Variants in ADGRA3 observed in about 807,000 individuals in gnomAD.
ADGRA3 encodes the protein adhesion G protein-coupled receptor A3.
In ADGRA3, 56 loss-of-function variants were observed where a neutral mutation model predicts 119.8. That is an observed-to-expected ratio of 0.47 (90% CI 0.38 to 0.58). The LOEUF is 0.58. Among genes scored for constraint, ADGRA3 ranks in the 20% least tolerant of loss-of-function variants. The pLI is 0.00. For synonymous variants in ADGRA3, 607 were observed against 623.8 expected, an observed-to-expected ratio of 0.97 and a Z score of 0.40; for missense variants, 1,516 against 1,649.0, an observed-to-expected ratio of 0.92 and a Z score of 1.40.
chr4:22,492,316 C>T (rs1048431558), intron 1 of ADGRA3, among the ~76,000 whole-genome samples: 5 of 152,152 alleles, frequency 3.3e-5, no homozygotes, highest in African/African-American at 9.7e-5. Flanking sequence ...CTAGATAAAT[C>T]CAGGCCTGGT....
intron 1 of ADGRA3, among the ~76,000 whole-genome samples, chr4:22,495,557 TAA>T (rs765428778): frequency 1.2e-4 from 19 of 152,168 alleles, no homozygotes; most frequent in Non-Finnish European, 2.6e-4. Flanking sequence ...CCTTCCTGGA[TAA>T]AGTGACTTCC....
intron 1 of ADGRA3, 189 bp downstream of exon 1, chr4:22,515,339 G>T: frequency 1.8e-6 from 1 of 564,878 alleles, no homozygotes; most frequent in Non-Finnish European, 2.7e-6. Flanking sequence ...AGGCAGCTCG[G>T]ACGCAGATTC....
At chr4:22,491,014 A>C (rs996776942) in intron 1 of ADGRA3, among the ~76,000 whole-genome samples, 1 of 152,144 alleles carries the variant, frequency 6.6e-6, no homozygotes, top group African/African-American at 2.4e-5. Context: ...GGGAGGGAGA[A>C]GGCAAACAAG....
intron 8 of ADGRA3, among the ~76,000 whole-genome samples, chr4:22,436,891 T>C (rs1716417096): frequency 6.6e-6 from 1 of 152,176 alleles, no homozygotes; most frequent in East Asian, 1.9e-4. Context: ...AATGACAGTA[T>C]CAGTCACACC....
intron 8 of ADGRA3, among the ~76,000 whole-genome samples, chr4:22,437,388 T>G (rs564717876): frequency 7.2e-5 from 11 of 152,302 alleles, no homozygotes; most frequent in African/African-American, 2.6e-4. Context: ...TTCCCACCCT[T>G]GAAACACTGA....
At chr4:22,451,405 C>T (rs1342972782) in intron 4 of ADGRA3, among the ~76,000 whole-genome samples, 1 of 152,036 alleles carries the variant, frequency 6.6e-6, no homozygotes, top group Non-Finnish European at 1.5e-5. Context: ...ATTGGCTCCC[C>T]GTTTGGTCTG....
chr4:22,440,309 C>G (rs1716561101), intron 7 of ADGRA3, among the ~76,000 whole-genome samples: 1 of 152,086 alleles, frequency 6.6e-6, no homozygotes, highest in African/African-American at 2.4e-5. Context: ...ATCCTCAAGG[C>G]AGCAGATTTG....
At chr4:22,419,787 A>G (rs184380193) in intron 12 of ADGRA3, among the ~76,000 whole-genome samples, 1 of 152,210 alleles carries the variant, frequency 6.6e-6, no homozygotes, top group African/African-American at 2.4e-5. Flanking sequence ...TTTCCCCAAT[A>G]TAAGACACAA....
chr4:22,441,526 A>C (rs1716611753), intron 7 of ADGRA3, among the ~76,000 whole-genome samples: 1 of 152,210 alleles, frequency 6.6e-6, no homozygotes, highest in Non-Finnish European at 1.5e-5. Flanking sequence ...TAACCATTTA[A>C]AAATATAAAT....
intron 4 of ADGRA3, among the ~76,000 whole-genome samples, chr4:22,450,951 A>AAAATATAT (rs1329338329): frequency 5.7e-5 from 7 of 122,796 alleles, no homozygotes; most frequent in African/African-American, 2.3e-4. Flanking sequence ...AAAAAAAAAA[A>AAAATATAT]ATATATATAT....
At chr4:22,494,392 C>T (rs973698319) in intron 1 of ADGRA3, among the ~76,000 whole-genome samples, 2 of 151,846 alleles carry the variant, frequency 1.3e-5, no homozygotes, top group African/African-American at 4.9e-5. Flanking sequence ...AATGGGCAAC[C>T]AGCAGCCCTT....
intron 10 of ADGRA3, among the ~76,000 whole-genome samples, chr4:22,424,865 A>C (rs1715867761): frequency 1.3e-5 from 2 of 152,188 alleles, no homozygotes; most frequent in South Asian, 2.1e-4. Flanking sequence ...TGAGGTCAAG[A>C]GTTCGAGACC....
chr4:22,413,572 C>A (rs1352803047), intron 13 of ADGRA3, 29 bp downstream of exon 13: 1 of 1,588,014 alleles, frequency 6.3e-7, no homozygotes, highest in Non-Finnish European at 8.6e-7. Flanking sequence ...TGTCCACTGA[C>A]TACAGGATAA....
chr4:22,450,925 T>G (rs930402485), intron 4 of ADGRA3, among the ~76,000 whole-genome samples: 3 of 92,420 alleles, frequency 3.2e-5, no homozygotes, highest in African/African-American at 1.1e-4. Context: ...TATGCATTTC[T>G]GGATATAACA....
chr4:22,494,892 CT>C (rs1434819982), intron 1 of ADGRA3, among the ~76,000 whole-genome samples: 9 of 151,914 alleles, frequency 5.9e-5, no homozygotes, highest in African/African-American at 1.9e-4. Flanking sequence ...TCCAAGACCC[CT>C]AGTGGATACT....
chr4:22,405,474 A>C (rs1313759127), intron 14 of ADGRA3, among the ~76,000 whole-genome samples: 1 of 151,498 alleles, frequency 6.6e-6, no homozygotes, highest in East Asian at 2.0e-4. Context: ...TGAGCCAGGG[A>C]GTTTGAGGCT....
chr4:22,473,530 G>A (rs1050308693), intron 2 of ADGRA3, among the ~76,000 whole-genome samples: 7 of 152,060 alleles, frequency 4.6e-5, no homozygotes, highest in South Asian at 2.1e-4. Context: ...ACACTTCAAC[G>A]GCAGAGGTGA....
At chr4:22,473,728 C>T (rs1717936412) in intron 2 of ADGRA3, 44 bp downstream of exon 2, 1 of 1,066,944 alleles carries the variant, frequency 9.4e-7, no homozygotes, top group Non-Finnish European at 1.4e-6. Flanking sequence ...AATGAAAATG[C>T]ATTAAACAAA....
Position 22,442,675 on chromosome 4 carries a change from T to A in ADGRA3, c.895A>T (p.Ile299Phe), listed in dbSNP as rs1716664493. 1.9e-6 allele frequency: 3 copies of A among 1,611,724 alleles called. No homozygotes were observed. The African/African-American group carries it at 4.0e-5, about 22-fold the overall frequency. Residue 299 changes from isoleucine to phenylalanine, a missense_variant, in exon 7 of 19, where the codon ATT becomes TTT. Physicochemically the swap from Ile to Phe is conservative, Grantham distance 21. Coordinates refer to ENST00000334304, the MANE Select transcript of ADGRA3 (RefSeq NM_145290.4). The stretch of plus-strand genomic sequence containing the variant: ...CTTGCAATCAAGGAGCAGTTGTGAA[T>A]CATGTTCTTTTCAACAAAAATACCT... ...SQGIFVEKNM[I>F]HNCSLIASAL...
Sources: allele counts gnomAD v4.1 joint callset (sites outside exome capture counted in the v4.1 genomes callset), GRCh38; gene constraint gnomAD v4.1.1; transcripts MANE v1.5; gene names NCBI Gene and HGNC (gene_info 2026-07-23, HGNC 2026-07-21).